Variants in SGCZ observed in about 807,000 individuals in gnomAD.
The protein encoded by SGCZ is sarcoglycan zeta, also known as zeta-sarcoglycan.
Under a neutral mutation model 41.3 loss-of-function variants are expected in SGCZ, and 40 were observed. The ratio of observed to expected loss-of-function variants is 0.97; its 90% CI spans 0.75 to 1.26. The LOEUF (loss-of-function observed/expected upper bound fraction) is 1.26, where lower values mean the gene tolerates loss of function less well. SGCZ is among the 50% of genes most tolerant of loss of function. The pLI, the probability that SGCZ is intolerant of heterozygous loss-of-function variation, is 0.00. For synonymous variants in SGCZ, 206 were observed against 137.5 expected (o/e 1.50, Z -3.49); for missense variants, 552 against 369.8 (o/e 1.49, Z -4.04).
At chr8:14,107,507 C>G (rs550227883) in intron 6 of SGCZ, among the ~76,000 whole-genome samples, 1 of 152,170 alleles carries the variant, frequency 6.6e-6, no homozygotes, top group African/African-American at 2.4e-5. Context: ...CCATATTACC[C>G]TCTATATAAT....
chr8:14,483,340 C>T (rs1050264462), intron 2 of SGCZ, among the ~76,000 whole-genome samples: 1 of 152,176 alleles, frequency 6.6e-6, no homozygotes, highest in Non-Finnish European at 1.5e-5. Flanking sequence ...GAGGCATAGG[C>T]AGGAGGATGG....
chr8:14,965,256 C>A (rs573791219), intron 1 of SGCZ, among the ~76,000 whole-genome samples: 1 of 152,184 alleles, frequency 6.6e-6, no homozygotes, highest in African/African-American at 2.4e-5. Context: ...TAGTGCCACC[C>A]AAATCTGGTC....
At chr8:14,222,642 T>G (rs553009805) in intron 4 of SGCZ, among the ~76,000 whole-genome samples, 13 of 152,230 alleles carry the variant, frequency 8.5e-5, no homozygotes, top group Non-Finnish European at 1.6e-4. Flanking sequence ...ATTTATTGTT[T>G]TGAATCGAAA....
chr8:14,633,902 G>T (rs566490085), intron 1 of SGCZ, among the ~76,000 whole-genome samples: 26 of 151,130 alleles, frequency 1.7e-4, no homozygotes, highest in African/African-American at 6.3e-4. Flanking sequence ...ACAAACAAAA[G>T]TTTCTTAATT....
chr8:14,681,228 G>T (rs1285013076), intron 1 of SGCZ, among the ~76,000 whole-genome samples: 1 of 152,114 alleles, frequency 6.6e-6, no homozygotes, highest in South Asian at 2.1e-4. Flanking sequence ...CAATCAGCCT[G>T]AGGGAGGAAA....
intron 1 of SGCZ, among the ~76,000 whole-genome samples, chr8:14,586,082 A>C (rs1287463575): frequency 6.6e-6 from 1 of 152,248 alleles, no homozygotes; most frequent in Non-Finnish European, 1.5e-5. Context: ...GGACTAGTTA[A>C]TCCTATTAAC....
chr8:14,943,378 G>A (rs1457331119), intron 1 of SGCZ, among the ~76,000 whole-genome samples: 1 of 152,166 alleles, frequency 6.6e-6, no homozygotes, highest in Non-Finnish European at 1.5e-5. Context: ...AAGGCACTAA[G>A]TACCTTGTAT....
At chr8:14,274,338 T>C (rs1049070743) in intron 3 of SGCZ, among the ~76,000 whole-genome samples, 1 of 152,162 alleles carries the variant, frequency 6.6e-6, no homozygotes, top group Admixed American at 6.6e-5. Context: ...TTAAGGTTTA[T>C]TATTAACGCT....
intron 1 of SGCZ, among the ~76,000 whole-genome samples, chr8:15,117,492 T>G (rs1454584): frequency 0.17 from 25,150 of 152,134 alleles, 2,291 homozygotes; most frequent in Non-Finnish European, 0.21. Context: ...AAGTTGAGAA[T>G]ACAGAGGGAG....
chr8:14,275,632 C>T (rs184748546), intron 3 of SGCZ, among the ~76,000 whole-genome samples: 26 of 152,254 alleles, frequency 1.7e-4, no homozygotes, highest in African/African-American at 6.0e-4. Flanking sequence ...CTAGTGTTAG[C>T]ACTGCACCAG....
At chr8:14,346,837 TTTTTA>T (rs1802906023) in intron 2 of SGCZ, among the ~76,000 whole-genome samples, 2 of 152,124 alleles carry the variant, frequency 1.3e-5, no homozygotes, top group African/African-American at 4.8e-5. Flanking sequence ...ATGTTTGTTA[TTTTTA>T]TTTTAAACTA....
chr8:15,198,550 T>G (rs1204288863), intron 1 of SGCZ, among the ~76,000 whole-genome samples: 1 of 152,194 alleles, frequency 6.6e-6, no homozygotes, highest in Non-Finnish European at 1.5e-5. Context: ...TTTGCTATAC[T>G]TTAGAATAAA....
At chr8:14,446,213 CCT>C (rs1800429012) in intron 2 of SGCZ, among the ~76,000 whole-genome samples, 1 of 152,120 alleles carries the variant, frequency 6.6e-6, no homozygotes, top group African/African-American at 2.4e-5. Context: ...CTGCTGTATC[CCT>C]AAGACCAAAT....
chr8:14,315,952 G>A (rs1417382105), intron 3 of SGCZ, among the ~76,000 whole-genome samples: 2 of 151,628 alleles, frequency 1.3e-5, no homozygotes, highest in Non-Finnish European at 2.9e-5. Context: ...TCTATGTAAA[G>A]GGAAAATTTT....
At chr8:15,044,357 G>T (rs73522803) in intron 1 of SGCZ, among the ~76,000 whole-genome samples, 6,370 of 152,142 alleles carry the variant, frequency 0.042, 148 homozygotes, top group Non-Finnish European at 0.056. Flanking sequence ...GGGTTCATTA[G>T]CTTATTAACT....
At chr8:14,680,897 C>G (rs916348384) in intron 1 of SGCZ, among the ~76,000 whole-genome samples, 1 of 124,604 alleles carries the variant, frequency 8.0e-6, no homozygotes, top group Admixed American at 8.8e-5. Context: ...CAGAAGAAAA[C>G]ATTAGTGAAC....
intron 2 of SGCZ, among the ~76,000 whole-genome samples, chr8:14,545,653 G>A (rs1473486826): frequency 6.6e-6 from 1 of 152,020 alleles, no homozygotes; most frequent in Non-Finnish European, 1.5e-5. Context: ...ATCCACAAGG[G>A]CAAATGGTTT....
chr8:14,572,859 G>T (rs2117235610), intron 1 of SGCZ, among the ~76,000 whole-genome samples: 1 of 152,134 alleles, frequency 6.6e-6, no homozygotes, highest in South Asian at 2.1e-4. Context: ...TGTTTTTTTT[G>T]ATATGGGAGT....
At chr8:14,893,677 C>G (rs1315989669) in intron 1 of SGCZ, among the ~76,000 whole-genome samples, 1 of 152,108 alleles carries the variant, frequency 6.6e-6, no homozygotes. Context: ...ACACAACAGA[C>G]ACTATGAACT....
Sources: allele counts gnomAD v4.1 joint callset (sites outside exome capture counted in the v4.1 genomes callset), GRCh38; gene constraint gnomAD v4.1.1; transcripts MANE v1.5; gene names NCBI Gene and HGNC (gene_info 2026-07-23, HGNC 2026-07-21).